Variants in RPS6KB2 observed in about 807,000 individuals in gnomAD.
RPS6KB2 encodes ribosomal protein S6 kinase B2.
Under a neutral mutation model 58.2 loss-of-function variants are expected in RPS6KB2, and 51 were observed. That is an observed-to-expected ratio of 0.88 (90% CI 0.70 to 1.11). RPS6KB2 has a LOEUF of 1.11. Ranked by LOEUF, RPS6KB2 falls within the 50% of genes least tolerant of loss-of-function variation. RPS6KB2 has a pLI of 0.00. For missense variants in RPS6KB2, 671 were observed against 655.8 expected (o/e 1.02, Z -0.25); for synonymous variants, 293 against 258.6 (o/e 1.13, Z -1.28).
Position 67,433,040 on chromosome 11 carries a change from C to T in RPS6KB2, c.705C>T (p.Tyr235=), listed in dbSNP as rs1864092596. 1 of 1,613,118 alleles carries T rather than the reference C, an allele frequency of 6.2e-7. No homozygotes were observed. Among genetic ancestry groups the T allele is most frequent in the African/African-American group, 1.3e-5 (1 of 74,926 alleles). Residue 235 remains tyrosine, a splice_region_variant and synonymous_variant, in exon 8 of 15, where the codon TAC becomes TAT. Transcript: ENST00000312629. ...VTHTFCGTIE[Y]MAPEILVRSG... is the part of the protein sequence containing the mutation. ...ACACCTTCTGCGGCACCATTGAGTACATGTAAGTGGCACCTGGCTGGCCCA... is the reference window on the plus strand; with the variant it reads ...ACACCTTCTGCGGCACCATTGAGTATATGTAAGTGGCACCTGGCTGGCCCA...
At chr11:67,433,533 GC>G in intron 10 of RPS6KB2, 86 bp downstream of exon 10, 1 of 1,065,394 alleles carries the variant, frequency 9.4e-7, no homozygotes, top group Non-Finnish European at 1.4e-6. Context: ...GGAAGCCAGG[GC>G]CACCCCGGCC....
Position 67,429,545 on chromosome 11 carries a change from G to A in RPS6KB2, c.259G>A (p.Val87Met), listed in dbSNP as rs1378885834. Residue 87 changes from valine to methionine, a missense_variant, in exon 4 of 15, where the codon GTG becomes ATG. Transcript: ENST00000312629. ...GYGKVFQVRK[V>M]QGTNLGKIYA... is the part of the protein sequence containing the mutation. ...CCTACAGGTGTTCCAGGTGCGAAAG[G>A]TGCAAGGCACCAACTTGGGCAAAAT... 2.5e-6 allele frequency: 4 copies of A among 1,613,358 alleles called. No individual in the cohort carries two copies. Among genetic ancestry groups the A allele is most frequent in the Admixed American group, 1.7e-5 (1 of 59,932 alleles).
Position 67,428,639 on chromosome 11 carries a change from T to C in RPS6KB2, c.78+16T>C, listed in dbSNP as rs748662597. The C allele has an allele frequency of 1.9e-6, 3 of 1,598,260 alleles. No individual in the cohort carries two copies. In the Admixed American group the frequency reaches 5.2e-5, roughly 28 times the overall value. ...CAGCCCCGCGGTGAGTGCCCTGCCC[T>C]GGCGCGACTGGATCCTGGAGCCGAT... On this transcript the variant is annotated intron_variant, in intron 1 of 14. Transcript: ENST00000312629.
At chr11:67,433,905 T>G in intron 10 of RPS6KB2, 90 bp from the exon 11 acceptor site, 1 of 1,428,540 alleles carries the variant, frequency 7.0e-7, no homozygotes, top group Non-Finnish European at 9.8e-7. Context: ...CTCTCCCATG[T>G]CACCTGACCC....
Position 67,434,638 on chromosome 11 carries a change from C to T in RPS6KB2, c.1212C>T (p.Phe404=), listed in dbSNP as rs1241595412. The part of the protein sequence containing the change: ...VLDSIKEGFS[F]QPKLRSPRRL... ...ACAGCATCAAGGAGGGCTTCTCCTT[C>T]CAGCCCAAGCTGCGCTCACCCAGGC... The change falls in exon 14 of 15, where the codon TTC becomes TTT. Residue 404 remains phenylalanine (F), a synonymous_variant. Transcript: ENST00000312629. 1.9e-6 allele frequency: 3 copies of T among 1,610,660 alleles called. No homozygotes were observed. The highest frequency in any genetic ancestry group is 2.2e-5 in the East Asian group (1 of 44,830).
Position 67,434,369 on chromosome 11 carries a change from G to A in RPS6KB2, c.1048-8G>A. The A allele has an allele frequency of 6.2e-7, 1 of 1,612,398 alleles. No homozygotes were observed. Among genetic ancestry groups the A allele is most frequent in the Non-Finnish European group, 8.5e-7 (1 of 1,179,416 alleles). ...CTCTGACCCCTCCCCACTCTGGTCG[G>A]CCCACAGCAGTCAGAGGAGGACGTG... On this transcript the variant is annotated splice_region_variant and splice_polypyrimidine_tract_variant and intron_variant, in intron 12 of 14. Coordinates refer to ENST00000312629, the MANE Select transcript of RPS6KB2 (RefSeq NM_003952.3).
At chr11:67,429,648 C>A in intron 4 of RPS6KB2, 53 bp downstream of exon 4, 1 of 1,405,170 alleles carries the variant, frequency 7.1e-7, no homozygotes, top group Non-Finnish European at 1.0e-6. Context: ...TCCCAACATG[C>A]TGTACCAGGC....
intron 1 of RPS6KB2, 158 bp from the exon 2 acceptor site, chr11:67,428,824 C>A: frequency 1.0e-6 from 1 of 994,380 alleles, no homozygotes; most frequent in South Asian, 1.4e-5. Context: ...TCTCCCGATT[C>A]TCCCTTTCCT....
chr11:67,434,738 G>C, intron 14 of RPS6KB2, 44 bp downstream of exon 14: 2 of 1,464,344 alleles, frequency 1.4e-6, no homozygotes, highest in Middle Eastern at 2.3e-4. Flanking sequence ...AGGGACGCTG[G>C]CAGGCAGGAT....
rs1352577281 is a variant in RPS6KB2, at chr11:67,429,032, G to A, written c.119+10G>A. 6.2e-7 allele frequency: 1 copy of A among 1,613,986 alleles called. No individual in the cohort carries two copies. The highest frequency in any genetic ancestry group is 8.5e-7 in the Non-Finnish European group (1 of 1,179,986). ...GGGCAGCTGGCCTAGAGTGAGTGAG[G>A]GTCGTGTTGGGGGAGGGGGGAATGG... On this transcript the variant is annotated intron_variant, in intron 2 of 14. Transcript: ENST00000312629.
chr11:67,429,559 C>G lies in RPS6KB2; in HGVS notation c.273C>G (p.Asn91Lys). The G allele has an allele frequency of 6.2e-7, 1 of 1,613,268 alleles. No homozygotes were observed. Among genetic ancestry groups the G allele is most frequent in the Non-Finnish European group, 8.5e-7 (1 of 1,179,758 alleles). ...VFQVRKVQGT[N>K]LGKIYAMKVL... ...AGGTGCGAAAGGTGCAAGGCACCAA[C>G]TTGGGCAAAATATATGCCATGAAAG... The change falls in exon 4 of 15, where the codon AAC (asparagine) becomes AAG (lysine). Residue 91 changes from asparagine to lysine, a missense_variant. Physicochemically the swap from Asn to Lys is moderately conservative, Grantham distance 94. Transcript: ENST00000312629.
chr11:67,431,427 A>G lies in RPS6KB2; in HGVS notation c.369A>G (p.Leu123=). ...TAHTRAERNI[L]ESVKHPFIVE... ...ACACACGGGCTGAGCGGAACATTCT[A>G]GAGTCAGTGAAGCACCCCTTTATTG... Residue 123 remains leucine (L), a synonymous_variant, in exon 5 of 15, where the codon CTA becomes CTG. Transcript: ENST00000312629. The G allele has an allele frequency of 1.9e-6, 3 of 1,614,052 alleles. No individual in the cohort carries two copies. The highest frequency in any genetic ancestry group is 3.3e-4 in the Middle Eastern group (2 of 6,062).
At position 67,428,597 on chromosome 11, in the gene RPS6KB2, G is replaced by C. The variant is rs756293976; in HGVS notation, c.52G>C (p.Glu18Gln). Residue 18 changes from glutamate to glutamine, a missense_variant, in exon 1 of 15, where the codon GAG (glutamate) becomes CAG (glutamine). Physicochemically the swap from Glu to Gln is conservative, Grantham distance 29. Coordinates refer to ENST00000312629, the MANE Select transcript of RPS6KB2 (RefSeq NM_003952.3). ...DLETEEGSEG[E>Q]GEPELSPADA... ...GGAGACGGAGGAAGGCAGCGAGGGCGAGGGCGAGCCAGAGCTCAGCCCCGC... is the reference window on the plus strand; with the variant it reads ...GGAGACGGAGGAAGGCAGCGAGGGCCAGGGCGAGCCAGAGCTCAGCCCCGC... 1 of 1,610,970 alleles carries C rather than the reference G, an allele frequency of 6.2e-7. No individual in the cohort carries two copies. The highest frequency in any genetic ancestry group is 1.3e-5 in the African/African-American group (1 of 74,886).
At chr11:67,430,286 A>G (rs12573992) in intron 4 of RPS6KB2, 57,769 of 150,502 alleles carry the variant, frequency 0.38, 11,264 homozygotes, top group Admixed American at 0.45. Context: ...TTGTATTTCT[A>G]TTTGTTTACC....
intron 5 of RPS6KB2, 173 bp from the exon 6 acceptor site, chr11:67,432,427 A>T: frequency 1.3e-6 from 1 of 740,750 alleles, no homozygotes; most frequent in Non-Finnish European, 2.4e-6. Flanking sequence ...AGGGCCAGGC[A>T]CCGAGTAGGC....
At chr11:67,433,710 G>A (rs946740616) in intron 10 of RPS6KB2, among the ~76,000 whole-genome samples, 1 of 152,180 alleles carries the variant, frequency 6.6e-6, no homozygotes, top group Non-Finnish European at 1.5e-5. Flanking sequence ...CGTCAAAGGC[G>A]AGCATCGGAG....
chr11:67,433,458 C>G lies in RPS6KB2; in HGVS notation c.906+11C>G. The G allele has an allele frequency of 1.3e-6, 2 of 1,583,782 alleles. No homozygotes were observed. Among genetic ancestry groups the G allele is most frequent in the Non-Finnish European group, 1.7e-6 (2 of 1,152,510 alleles). On this transcript the variant is annotated intron_variant, in intron 10 of 14. Transcript: ENST00000312629. The stretch of plus-strand genomic sequence containing the variant: ...GACCTTGTCAAAAAGGTGCAGCTCC[C>G]TTCTCTCTTCTCCGGGGCCCTGCCA...
Position 67,428,598 on chromosome 11 carries a change from AG to A in RPS6KB2, c.56del (p.Gly19AlafsTer16). On this transcript the variant is annotated frameshift_variant, in exon 1 of 15. Transcript: ENST00000312629. LOFTEE classifies it high-confidence loss of function. ...GAGACGGAGGAAGGCAGCGAGGGCG[AG>A]GGCGAGCCAGAGCTCAGCCCCGCGG... is the stretch of plus-strand genomic sequence containing the variant. ...DLETEEGSEG[E>X]GEPELSPADA... The A allele has an allele frequency of 6.2e-7, 1 of 1,610,834 alleles. No homozygotes were observed. Among genetic ancestry groups the A allele is most frequent in the Non-Finnish European group, 8.5e-7 (1 of 1,179,176 alleles).
At chr11:67,433,272 C>A (rs556970078) in intron 9 of RPS6KB2, 56 bp downstream of exon 9, 7 of 1,603,876 alleles carry the variant, frequency 4.4e-6, no homozygotes, top group East Asian at 2.2e-5. Context: ...GAGTAGCCCC[C>A]CTCCTGGGGC....
Sources: allele counts gnomAD v4.1 joint callset (sites outside exome capture counted in the v4.1 genomes callset), GRCh38; gene constraint gnomAD v4.1.1; transcripts MANE v1.5; gene names NCBI Gene and HGNC (gene_info 2026-07-23, HGNC 2026-07-21).